CCDC30: variants seen among roughly 807,000 people sequenced by gnomAD.
CCDC30 encodes the protein coiled-coil domain-containing protein 30.
CCDC30 carries 70 observed loss-of-function variants against 100.2 expected under a neutral mutation model. The observed-to-expected ratio is 0.70, with a 90% CI of 0.58 to 0.85. The LOEUF (loss-of-function observed/expected upper bound fraction) is 0.85, where lower values mean the gene tolerates loss of function less well. Among genes scored for constraint, CCDC30 ranks in the 40% least tolerant of loss-of-function variants. The probability of loss-of-function intolerance (pLI) is 0.00; values close to 1 mark genes in which losing one functional copy is unlikely to be tolerated. For synonymous variants in CCDC30, 233 were observed against 269.5 expected (o/e 0.86, Z 1.33); for missense variants, 652 against 771.2 (o/e 0.85, Z 1.83).
At chr1:42,545,757 G>C (rs1009300429) in intron 6 of CCDC30, among the ~76,000 whole-genome samples, 178 bp downstream of exon 9, 10 of 151,646 alleles carry the variant, frequency 6.6e-5, no homozygotes, top group African/African-American at 2.4e-4. Flanking sequence ...GACCAGCCTG[G>C]GCAACATGGC....
chr1:42,541,519 C>T (rs1645011583), intron 6 of CCDC30, among the ~76,000 whole-genome samples: 1 of 152,164 alleles, frequency 6.6e-6, no homozygotes, highest in Admixed American at 6.5e-5. Flanking sequence ...AATGTTGTAT[C>T]CTTCTCAGTG....
At chr1:42,484,409 A>G (rs1186407553) in intron 3 of CCDC30, among the ~76,000 whole-genome samples, 3 of 152,210 alleles carry the variant, frequency 2.0e-5, no homozygotes, top group African/African-American at 4.8e-5. Context: ...ACAAGAAGAA[A>G]AAAGGAAAGC....
intron 1 of CCDC30, chr1:42,473,445 A>G (rs1277218381): frequency 2.4e-6 from 1 of 415,794 alleles, no homozygotes; most frequent in Non-Finnish European, 4.1e-6. Flanking sequence ...TTTTTTTTCT[A>G]ATGAAACATG....
At chr1:42,457,027 C>T in the CCDC30 span, 1 of 1,601,610 alleles carries the variant, frequency 6.2e-7, no homozygotes. Context: ...CTTTGGCGGA[C>T]TATTTGCATC....
intron 6 of CCDC30, among the ~76,000 whole-genome samples, chr1:42,554,792 T>G (rs1312340209): frequency 6.6e-6 from 1 of 152,144 alleles, no homozygotes; most frequent in Non-Finnish European, 1.5e-5. Flanking sequence ...TCTGTGGCTT[T>G]CACCTCCTCT....
intron 6 of CCDC30, among the ~76,000 whole-genome samples, chr1:42,552,919 G>A (rs1404340167): frequency 1.3e-5 from 2 of 152,104 alleles, no homozygotes; most frequent in East Asian, 1.9e-4. Flanking sequence ...CAGGGTAGGG[G>A]AGCTCTTTAT....
intron 9 of CCDC30, among the ~76,000 whole-genome samples, chr1:42,583,638 T>A (rs1025539120): frequency 3.3e-5 from 5 of 152,350 alleles, no homozygotes; most frequent in African/African-American, 1.2e-4. Flanking sequence ...TTCAGTGACA[T>A]AATATATATC....
intron 11 of CCDC30, among the ~76,000 whole-genome samples, chr1:42,618,781 T>C (rs547326122): frequency 2.0e-5 from 3 of 152,292 alleles, no homozygotes; most frequent in African/African-American, 7.2e-5. Flanking sequence ...TTAACATGTT[T>C]CCCTTATCCA....
chr1:42,570,791 T>A (rs112708319), intron 7 of CCDC30, among the ~76,000 whole-genome samples: 3,136 of 152,324 alleles, frequency 0.021, 120 homozygotes, highest in African/African-American at 0.071. Context: ...TGTATAGCCA[T>A]TATTTATTCA....
chr1:42,477,858 A>G (rs1051917826), intron 1 of CCDC30, among the ~76,000 whole-genome samples: 8 of 152,214 alleles, frequency 5.3e-5, no homozygotes, highest in African/African-American at 1.7e-4. Flanking sequence ...AGGAGATTGC[A>G]TTGAGTTGTG....
At chr1:42,522,183 C>T (rs72659943) in intron 6 of CCDC30, among the ~76,000 whole-genome samples, 20,707 of 151,874 alleles carry the variant, frequency 0.14, 1,554 homozygotes, top group East Asian at 0.19. Flanking sequence ...ATTTTATTGT[C>T]ATATTGTTAT....
At chr1:42,466,506 T>TTAG (rs1254309318) in intron 1 of CCDC30, among the ~76,000 whole-genome samples, 1 of 152,160 alleles carries the variant, frequency 6.6e-6, no homozygotes, top group Admixed American at 6.5e-5. Flanking sequence ...GAGCATTTAC[T>TTAG]TAGTATCTAC....
intron 14 of CCDC30, among the ~76,000 whole-genome samples, chr1:42,645,143 A>G (rs937989057): frequency 6.6e-6 from 1 of 152,088 alleles, no homozygotes; most frequent in Non-Finnish European, 1.5e-5. Flanking sequence ...CAAGGAGTGT[A>G]TCTCATATAT....
intron 6 of CCDC30, among the ~76,000 whole-genome samples, chr1:42,525,270 C>G (rs1179648210): frequency 6.6e-6 from 1 of 152,166 alleles, no homozygotes; most frequent in Admixed American, 6.5e-5. Flanking sequence ...GTGAATCCAA[C>G]TACATGTGTT....
At chr1:42,556,946 T>C (rs189142240) in intron 6 of CCDC30, among the ~76,000 whole-genome samples, 15 of 152,358 alleles carry the variant, frequency 9.8e-5, no homozygotes, top group South Asian at 6.2e-4. Context: ...GACATTTTAT[T>C]ATTTTAATTA....
At chr1:42,637,210 T>A (rs756143606) in intron 11 of CCDC30, 27 bp from the exon 16 acceptor site, 1 of 1,556,532 alleles carries the variant, frequency 6.4e-7, no homozygotes, top group African/African-American at 1.4e-5. Flanking sequence ...TGTTCAGATG[T>A]GTCTAAACTC....
At chr1:42,536,650 G>T (rs760976664) in intron 6 of CCDC30, 49 bp downstream of exon 7, 2 of 1,306,268 alleles carry the variant, frequency 1.5e-6, no homozygotes, top group Non-Finnish European at 2.2e-6. Context: ...TTCTAATTTA[G>T]GGATTTCATG....
chr1:42,500,426 T>C (rs1048669069), intron 6 of CCDC30: 22 of 863,626 alleles, frequency 2.5e-5, no homozygotes, highest in Admixed American at 6.2e-5. Flanking sequence ...TCTCTTTTTT[T>C]TTTTTGAGAC....
intron 8 of CCDC30, among the ~76,000 whole-genome samples, chr1:42,577,537 C>T (rs1009538538): frequency 1.3e-5 from 2 of 152,148 alleles, no homozygotes; most frequent in Non-Finnish European, 2.9e-5. Context: ...CGTATTCTCT[C>T]ATTTGGATTG....
Sources: allele counts gnomAD v4.1 joint callset (sites outside exome capture counted in the v4.1 genomes callset), GRCh38; gene constraint gnomAD v4.1.1; transcripts MANE v1.5; gene names NCBI Gene and HGNC (gene_info 2026-07-23, HGNC 2026-07-21).